Variants in CSMD1 observed in about 807,000 individuals in gnomAD.
CSMD1 encodes the protein CUB and sushi domain-containing protein 1.
CSMD1 carries 213 observed loss-of-function variants against 417.5 expected under a neutral mutation model. The observed-to-expected ratio is 0.51, with a 90% CI of 0.46 to 0.57. The LOEUF (loss-of-function observed/expected upper bound fraction) is 0.57. Ranked by LOEUF, CSMD1 falls within the 20% of genes least tolerant of loss-of-function variation. The probability of loss-of-function intolerance (pLI) is 0.00; values close to 1 mark genes in which losing one functional copy is unlikely to be tolerated. For missense variants in CSMD1, 6,923 were observed against 4,529.7 expected, an observed-to-expected ratio of 1.53 and a Z score of -15.17; for synonymous variants, 2,862 against 1,736.8, an observed-to-expected ratio of 1.65 and a Z score of -16.11.
intron 20 of CSMD1, among the ~76,000 whole-genome samples, chr8:3,363,827 A>T (rs1809368445): frequency 6.6e-6 from 1 of 152,222 alleles, no homozygotes; most frequent in Non-Finnish European, 1.5e-5. Context: ...CGAGTGGGAA[A>T]GTAAGTGTGG....
At chr8:4,295,762 A>C (rs866689022) in intron 3 of CSMD1, among the ~76,000 whole-genome samples, 2 of 26,076 alleles carry the variant, frequency 7.7e-5, no homozygotes, top group African/African-American at 1.7e-4. Context: ...ATATATATAT[A>C]TATATATATA....
At chr8:4,896,480 C>T (rs148738838) in intron 1 of CSMD1, among the ~76,000 whole-genome samples, 66 of 152,108 alleles carry the variant, frequency 4.3e-4, no homozygotes, top group African/African-American at 1.5e-3. Context: ...CAAACTGAAA[C>T]TCTGTCTCTA....
At chr8:3,502,988 TGG>T (rs1796670948) in intron 10 of CSMD1, among the ~76,000 whole-genome samples, 1 of 152,082 alleles carries the variant, frequency 6.6e-6, no homozygotes, top group South Asian at 2.1e-4. Flanking sequence ...TGTGCATGTG[TGG>T]GGGCAGGGGG....
chr8:4,439,383 TACTA>T (rs999671314), intron 2 of CSMD1, among the ~76,000 whole-genome samples: 32 of 152,182 alleles, frequency 2.1e-4, no homozygotes, highest in African/African-American at 7.2e-4. Flanking sequence ...CTTTGTGGGT[TACTA>T]ACTTATTTCA....
At chr8:3,741,464 A>G (rs1329500484) in intron 6 of CSMD1, among the ~76,000 whole-genome samples, 1 of 152,192 alleles carries the variant, frequency 6.6e-6, no homozygotes, top group African/African-American at 2.4e-5. Flanking sequence ...CAGAGGGAGT[A>G]GCAATTTTAC....
At chr8:4,218,171 C>T (rs1800798439) in intron 3 of CSMD1, among the ~76,000 whole-genome samples, 1 of 152,168 alleles carries the variant, frequency 6.6e-6, no homozygotes, top group African/African-American at 2.4e-5. Context: ...AGTAATGGAA[C>T]ACTAGTTATA....
At chr8:3,510,717 G>A (rs1388981187) in intron 10 of CSMD1, among the ~76,000 whole-genome samples, 1 of 151,706 alleles carries the variant, frequency 6.6e-6, no homozygotes, top group Non-Finnish European at 1.5e-5. Context: ...GGTGTGAGAT[G>A]GTATCTCATT....
intron 3 of CSMD1, among the ~76,000 whole-genome samples, chr8:4,205,948 G>T (rs1384428516): frequency 6.6e-6 from 1 of 152,084 alleles, no homozygotes; most frequent in Admixed American, 6.6e-5. Flanking sequence ...CAAGTTACTT[G>T]CTACCTTCTT....
At chr8:4,882,095 A>T (rs1373761360) in intron 1 of CSMD1, among the ~76,000 whole-genome samples, 1 of 152,020 alleles carries the variant, frequency 6.6e-6, no homozygotes. Flanking sequence ...GCCCTCATTT[A>T]ACCACAGTAT....
chr8:4,945,123 T>A (rs1422112777), intron 1 of CSMD1, among the ~76,000 whole-genome samples: 1 of 152,118 alleles, frequency 6.6e-6, no homozygotes. Context: ...AAGCACAATA[T>A]AATCAGCGTA....
intron 10 of CSMD1, among the ~76,000 whole-genome samples, chr8:3,530,322 T>G (rs1797924711): frequency 6.6e-6 from 1 of 152,206 alleles, no homozygotes; most frequent in Non-Finnish European, 1.5e-5. Flanking sequence ...GGCCCTGTTT[T>G]GGCTGCATCC....
chr8:3,218,368 T>A (rs975087940), intron 29 of CSMD1, among the ~76,000 whole-genome samples: 23 of 151,480 alleles, frequency 1.5e-4, no homozygotes, highest in Non-Finnish European at 1.5e-5. Context: ...GAGATCATCC[T>A]GGCTAACACT....
intron 5 of CSMD1, among the ~76,000 whole-genome samples, chr8:3,836,716 T>C (rs572208070): frequency 6.6e-6 from 1 of 152,236 alleles, no homozygotes; most frequent in African/African-American, 2.4e-5. Context: ...AATAAACAGA[T>C]TAGCAGAGTT....
rs533539495 is a variant in CSMD1 at position 3,839,169 on chromosome 8, C to A, written c.819-85127G>T. 2.7e-3 allele frequency among the ~76,000 whole-genome samples: 330 copies of A among 124,310 alleles called. 1 individual carries two copies. Among genetic ancestry groups the A allele is most frequent in the East Asian group, 0.02 (92 of 4,498 alleles). The allele number at this position is 124,310 out of a possible 152,430, so 81.6% of individuals were successfully genotyped here. On this transcript the variant is annotated intron_variant, in intron 5 of 69. Coordinates refer to ENST00000635120, the MANE Select transcript of CSMD1 (RefSeq NM_033225.6). ...GTCTATATATCTATAGTCCCTCTCT[C>A]TATATATTTATATATAATAAATAAA...
intron 39 of CSMD1, among the ~76,000 whole-genome samples, chr8:3,156,273 A>G: frequency 6.6e-6 from 1 of 152,170 alleles, no homozygotes; most frequent in East Asian, 1.9e-4. Flanking sequence ...GCAATACTTG[A>G]GTGTTCGAAG....
At chr8:3,276,255 C>A (rs1219586329) in intron 26 of CSMD1, among the ~76,000 whole-genome samples, 1 of 152,126 alleles carries the variant, frequency 6.6e-6, no homozygotes, top group African/African-American at 2.4e-5. Flanking sequence ...GTCAGGGACC[C>A]ACTTGAGGAG....
intron 3 of CSMD1, among the ~76,000 whole-genome samples, chr8:4,171,390 T>C (rs558624771): frequency 6.6e-6 from 1 of 152,024 alleles, no homozygotes; most frequent in African/African-American, 2.4e-5. Flanking sequence ...TTATGGTATT[T>C]ATTGTGAATA....
At chr8:3,219,898 GA>G (rs1343844406) in intron 28 of CSMD1, among the ~76,000 whole-genome samples, 1 of 152,000 alleles carries the variant, frequency 6.6e-6, no homozygotes, top group Non-Finnish European at 1.5e-5. Flanking sequence ...ATAGTCAGTA[GA>G]ATTACTGACT....
intron 10 of CSMD1, among the ~76,000 whole-genome samples, chr8:3,572,291 G>A (rs950083215): frequency 6.6e-6 from 1 of 152,158 alleles, no homozygotes; most frequent in African/African-American, 2.4e-5. Context: ...CAGAGCCTGG[G>A]GCAGAAAGCA....
Sources: allele counts gnomAD v4.1 joint callset (sites outside exome capture counted in the v4.1 genomes callset), GRCh38; gene constraint gnomAD v4.1.1; transcripts MANE v1.5; gene names NCBI Gene and HGNC (gene_info 2026-07-23, HGNC 2026-07-21).